RASGRF1: variants seen among roughly 807,000 people sequenced by gnomAD.
The protein encoded by RASGRF1 is Ras protein specific guanine nucleotide releasing factor 1.
A neutral mutation model predicts 138.7 loss-of-function variants in RASGRF1; 40 were observed. That is an observed-to-expected ratio of 0.29 (90% CI 0.22 to 0.38). RASGRF1 has a LOEUF of 0.38. Ranked by LOEUF, RASGRF1 falls within the 10% of genes least tolerant of loss-of-function variation. The probability of loss-of-function intolerance (pLI) is 1.00; values close to 1 mark genes in which losing one functional copy is unlikely to be tolerated. For synonymous variants in RASGRF1, 614 were observed against 663.2 expected (o/e 0.93, Z 1.14); for missense variants, 1,108 against 1,650.4 (o/e 0.67, Z 5.69).
chr15:79,020,135 T>C (rs746336550), intron 10 of RASGRF1, 31 bp from the exon 11 acceptor site: 10 of 1,607,806 alleles, frequency 6.2e-6, no homozygotes, highest in African/African-American at 1.3e-5. Context: ...CTGCTTTGGA[T>C]TGAGGGGTAG....
intron 9 of RASGRF1, among the ~76,000 whole-genome samples, chr15:79,026,281 T>C (rs1223741485): frequency 6.6e-6 from 1 of 152,220 alleles, no homozygotes; most frequent in Non-Finnish European, 1.5e-5. Flanking sequence ...CATGTAGTTC[T>C]GGGTCAAGTT....
intron 9 of RASGRF1, among the ~76,000 whole-genome samples, chr15:79,026,720 C>G (rs1468844657): frequency 6.6e-6 from 1 of 152,160 alleles, no homozygotes; most frequent in Non-Finnish European, 1.5e-5. Flanking sequence ...ACTGCCCACC[C>G]CAGGAGGGGT....
chr15:78,978,643 C>T, intron 24 of RASGRF1: 1 of 1,010,256 alleles, frequency 9.9e-7, no homozygotes, highest in Non-Finnish European at 1.2e-6. Context: ...ATTGGCTATG[C>T]CCATGGACTG....
rs77156877 is a variant in RASGRF1 at position 79,050,469 on chromosome 15, G to A, written c.532-881C>T. 5.9e-5 allele frequency among the ~76,000 whole-genome samples: 9 copies of A among 152,286 alleles called. No individual in the cohort carries two copies. Among genetic ancestry groups the A allele is most frequent in the African/African-American group, 2.2e-4 (9 of 41,550 alleles). On this transcript the variant is annotated intron_variant, in intron 3 of 26. Coordinates refer to ENST00000558480, the MANE Select transcript of RASGRF1 (RefSeq NM_001145648.3). The surrounding 1 kb of genome is among the most constrained non-coding windows in gnomAD (Gnocchi z 4.1). Reference sequence around the variant, plus strand: ...TCTGGATATAAATCAGATAGAGCAGGTGGCTCCGGGTGAAGTCCTGCTGGC... The same window carrying A: ...TCTGGATATAAATCAGATAGAGCAGATGGCTCCGGGTGAAGTCCTGCTGGC...
At chr15:78,981,864 C>T (rs569135847) in intron 23 of RASGRF1, among the ~76,000 whole-genome samples, 5 of 152,338 alleles carry the variant, frequency 3.3e-5, no homozygotes, top group African/African-American at 9.6e-5. Flanking sequence ...GTCTGCTGTC[C>T]GATGACTGGC....
intron 3 of RASGRF1, among the ~76,000 whole-genome samples, chr15:79,053,140 C>G (rs539714121): frequency 6.6e-6 from 1 of 152,006 alleles, no homozygotes; most frequent in South Asian, 2.1e-4. Flanking sequence ...TGGCGCACAC[C>G]TGTAATACCA....
intron 19 of RASGRF1, among the ~76,000 whole-genome samples, chr15:78,997,634 G>C (rs1357975416): frequency 6.6e-6 from 1 of 151,418 alleles, no homozygotes; most frequent in Non-Finnish European, 1.5e-5. Context: ...TACTGGGGAG[G>C]CTGAGGCAGG....
At position 79,015,554 on chromosome 15, in the gene RASGRF1, G is replaced by A. The variant is rs797005247; in HGVS notation, c.1744-145C>T. 27 of 703,922 alleles carry A rather than the reference G, an allele frequency of 3.8e-5. No individual in the cohort carries two copies. In the African/African-American group the frequency reaches 4.1e-4, roughly 11 times the overall value. The allele number at this position is 703,922 out of a possible 1,614,324, so 43.6% of individuals were successfully genotyped here. A position where few individuals can be genotyped will look rare whatever the true frequency, so the allele number is the denominator to read the frequency against. On this transcript the variant is annotated intron_variant, in intron 12 of 26. Transcript: ENST00000558480. ...AAGGGCATTGTCCTGGCAAAGGCAG[G>A]GTCAGCGTGGCGCATCCTTTAGACT... is the stretch of plus-strand genomic sequence containing the variant.
rs750214107 is a variant in RASGRF1 at position 79,006,329 on chromosome 15, C to T, written c.1932G>A (p.Leu644=). 6.2e-7 allele frequency: 1 copy of T among 1,614,202 alleles called. No homozygotes were observed. Among genetic ancestry groups the T allele is most frequent in the Non-Finnish European group, 8.5e-7 (1 of 1,180,036 alleles). ...QIRYASVERL[L]ERLTDLRFLS... is the part of the protein sequence containing the mutation. ...GGAAGCGCAGGTCCGTCAGCCTCTC[C>T]AGCAGCCGCTCCACACTGGCGTAGC... The change falls in exon 14 of 27, where the codon CTG becomes CTA. Residue 644 remains leucine (L), a synonymous_variant. Coordinates refer to ENST00000558480, the MANE Select transcript of RASGRF1 (RefSeq NM_001145648.3). This position sits in a 1 kb window ranked among gnomAD's most constrained non-coding sequence, Gnocchi z 4.0.
At chr15:78,970,516 G>A (rs1285681544) in intron 26 of RASGRF1, among the ~76,000 whole-genome samples, 2 of 150,570 alleles carry the variant, frequency 1.3e-5, no homozygotes, top group East Asian at 2.0e-4. Context: ...CCAGCTATGC[G>A]GGAGGCTGAG....
In RASGRF1 at chr15:79,084,992, C is replaced by A. The variant is rs368496778; in HGVS notation, c.276+5231G>T. On this transcript the variant is annotated intron_variant, in intron 1 of 26. Coordinates refer to ENST00000558480, the MANE Select transcript of RASGRF1 (RefSeq NM_001145648.3). Reference sequence around the variant, plus strand: ...ATCCTCTCAGGGCTTCCACCTCTCTCACCTGGACTCTGGGTTCCAGCAGCC... The same window carrying A: ...ATCCTCTCAGGGCTTCCACCTCTCTAACCTGGACTCTGGGTTCCAGCAGCC... 9.0e-4 allele frequency among the ~76,000 whole-genome samples: 137 copies of A among 152,152 alleles called. 1 individual carries two copies. Among genetic ancestry groups the A allele is most frequent in the African/African-American group, 3.0e-3 (126 of 41,426 alleles).
chr15:78,980,934 G>T (rs550688093), intron 23 of RASGRF1: 16 of 381,734 alleles, frequency 4.2e-5, no homozygotes, highest in Admixed American at 3.0e-4. Flanking sequence ...GGAAGTGGGT[G>T]TGAGGGACCT....
chr15:79,035,161 G>A lies in RASGRF1; in HGVS notation c.928C>T (p.Arg310Cys). The A allele has an allele frequency of 6.2e-7, 1 of 1,613,690 alleles. No individual in the cohort carries two copies. The highest frequency in any genetic ancestry group is 8.5e-7 in the Non-Finnish European group (1 of 1,179,770). ...ACCAGCGTGGGCCAGCTGGAGATGCGGGCCTTCAGGCCTTGGTAAAAGATC... is the reference window on the plus strand; with the variant it reads ...ACCAGCGTGGGCCAGCTGGAGATGCAGGCCTTCAGGCCTTGGTAAAAGATC... The part of the protein sequence containing the change: ...HQIFYQGLKA[R>C]ISSWPTLVLA... The change falls in exon 6 of 27, where the codon CGC (arginine) becomes TGC (cysteine). Residue 310 changes from arginine to cysteine, a missense_variant. Arg to Cys is a radical substitution (Grantham distance 180). Transcript: ENST00000558480.
chr15:78,973,743 T>C lies in RASGRF1; in HGVS notation c.3495-323A>G, dbSNP rs559716551. On this transcript the variant is annotated intron_variant, in intron 24 of 26. Transcript: ENST00000558480. This position sits in a 1 kb window ranked among gnomAD's most constrained non-coding sequence, Gnocchi z 4.9. ...TCTGCCTTCTGTCCCAGTCAGTCCC[T>C]GGGCTCTGTCACCAGCCCCTCTGGA... is the stretch of plus-strand genomic sequence containing the variant. Among the ~76,000 whole-genome samples the C allele has an allele frequency of 8.5e-5, 13 of 152,280 alleles. No homozygotes were observed. Among genetic ancestry groups the C allele is most frequent in the Non-Finnish European group, 1.3e-4 (9 of 68,006 alleles).
chr15:79,004,936 G>A (rs761431321), intron 14 of RASGRF1: 8 of 983,214 alleles, frequency 8.1e-6, no homozygotes, highest in Non-Finnish European at 9.7e-6. Context: ...TCTCAGAAAG[G>A]TTAAGGGACT....
At chr15:79,026,545 T>C (rs1259520463) in intron 9 of RASGRF1, among the ~76,000 whole-genome samples, 1 of 152,180 alleles carries the variant, frequency 6.6e-6, no homozygotes, top group Admixed American at 6.5e-5. Context: ...CAGAACCCCC[T>C]GTACGTCTGG....
chr15:79,022,212 G>A (rs796511081), intron 10 of RASGRF1, among the ~76,000 whole-genome samples: 6 of 152,290 alleles, frequency 3.9e-5, no homozygotes, highest in African/African-American at 1.4e-4. Flanking sequence ...GGCTGAGGCT[G>A]GTGGATCACC....
chr15:79,074,550 C>T (rs1008979563), intron 1 of RASGRF1, among the ~76,000 whole-genome samples: 1 of 152,186 alleles, frequency 6.6e-6, no homozygotes, highest in African/African-American at 2.4e-5. Flanking sequence ...ACTACCACAC[C>T]TGGAAGGTGC....
At chr15:79,004,629 T>C in intron 14 of RASGRF1, 1 of 988,068 alleles carries the variant, frequency 1.0e-6, no homozygotes, top group Non-Finnish European at 1.2e-6. Context: ...CCTCCTACTC[T>C]AAACGCAGGG....
Sources: allele counts gnomAD v4.1 joint callset (sites outside exome capture counted in the v4.1 genomes callset), GRCh38; gene constraint gnomAD v4.1.1; non-coding constraint Gnocchi (gnomAD v3.1); transcripts MANE v1.5; gene names NCBI Gene and HGNC (gene_info 2026-07-23, HGNC 2026-07-21).